DEFB119: variants seen among roughly 807,000 people sequenced by gnomAD.
DEFB119 encodes defensin beta 119, also known as beta-defensin 119.
A neutral mutation model predicts 2.5 loss-of-function variants in DEFB119; 3 were observed. The observed-to-expected ratio is 1.19, with a 90% CI of 0.54 to 3.07. The LOEUF (loss-of-function observed/expected upper bound fraction) is 3.07. Among genes scored for constraint, DEFB119 ranks in the 30% most tolerant of loss-of-function variants. DEFB119 has a pLI of 0.03. For synonymous variants in DEFB119, 29 were observed against 33.7 expected, an observed-to-expected ratio of 0.86 and a Z score of 0.48; for missense variants, 113 against 101.1, an observed-to-expected ratio of 1.12 and a Z score of -0.50.
intron 1 of DEFB119, among the ~76,000 whole-genome samples, chr20:31,384,849 A>T (rs1986633774): frequency 6.6e-6 from 1 of 152,338 alleles, no homozygotes; most frequent in African/African-American, 2.4e-5. Context: ...AACAGTAATG[A>T]TCATTATCAT....
At chr20:31,379,112 A>G (rs1013288497) in intron 1 of DEFB119, among the ~76,000 whole-genome samples, 5 of 151,482 alleles carry the variant, frequency 3.3e-5, no homozygotes, top group Non-Finnish European at 7.4e-5. Context: ...TAATTTTTGT[A>G]TTTTCAGTAG....
intron 1 of DEFB119, chr20:31,378,437 C>T (rs745824263): frequency 3.2e-5 from 51 of 1,612,624 alleles, no homozygotes; most frequent in Non-Finnish European, 4.1e-5. Flanking sequence ...AAATATGATC[C>T]AGCATCTCAT....
chr20:31,382,834 C>T (rs1359194555), intron 1 of DEFB119, among the ~76,000 whole-genome samples: 1 of 152,200 alleles, frequency 6.6e-6, no homozygotes. Context: ...TAAGGATTTC[C>T]ACCTAATATG....
At position 31,377,378 on chromosome 20, in the gene DEFB119, C is replaced by A; in HGVS notation, c.123G>T (p.Lys41Asn). Residue 41 changes from lysine to asparagine, a missense_variant, in exon 2 of 2, where the codon AAG (lysine) becomes AAT (asparagine). Physicochemically the swap from Lys to Asn is moderately conservative, Grantham distance 94. Coordinates refer to ENST00000376321, the MANE Select transcript of DEFB119 (RefSeq NM_153289.4). Reference protein sequence around the residue: ...NSGICRASCKKNEQPYLYCRN... With the variant: ...NSGICRASCKNNEQPYLYCRN... Reference sequence around the variant, plus strand: ...TGCAATAGAGGTAGGGCTGTTCGTTCTTTTTGCAAGAGGCCCTACAAATTC... The same window carrying A: ...TGCAATAGAGGTAGGGCTGTTCGTTATTTTTGCAAGAGGCCCTACAAATTC... The A allele has an allele frequency of 6.2e-7, 1 of 1,614,026 alleles. No homozygotes were observed.
intron 1 of DEFB119, among the ~76,000 whole-genome samples, chr20:31,384,113 C>A (rs191589853): frequency 6.6e-6 from 1 of 152,198 alleles, no homozygotes; most frequent in Non-Finnish European, 1.5e-5. Context: ...TAGATATTTT[C>A]AAAAGTAAAC....
intron 1 of DEFB119, chr20:31,378,415 C>T: frequency 6.2e-7 from 1 of 1,613,792 alleles, no homozygotes; most frequent in Non-Finnish European, 8.5e-7. Flanking sequence ...GACAAGCCAA[C>T]AAAGATCATT....
intron 1 of DEFB119, among the ~76,000 whole-genome samples, chr20:31,389,449 C>T (rs572778611): frequency 1.3e-5 from 2 of 152,062 alleles, no homozygotes; most frequent in Non-Finnish European, 2.9e-5. Flanking sequence ...TTTGGGAGAG[C>T]CTTTTTTGGA....
chr20:31,385,980 G>A (rs1986687368), intron 1 of DEFB119, among the ~76,000 whole-genome samples: 1 of 152,182 alleles, frequency 6.6e-6, no homozygotes, highest in Admixed American at 6.5e-5. Flanking sequence ...ACAGAGGTGA[G>A]CTGAGTGTTG....
At chr20:31,381,442 T>C (rs889793515) in intron 1 of DEFB119, among the ~76,000 whole-genome samples, 2 of 152,262 alleles carry the variant, frequency 1.3e-5, no homozygotes, top group South Asian at 2.1e-4. Flanking sequence ...TTTTCTTGCA[T>C]TAATGCAATG....
At chr20:31,389,025 C>T (rs1986820066) in intron 1 of DEFB119, 5 of 1,613,588 alleles carry the variant, frequency 3.1e-6, no homozygotes, top group Non-Finnish European at 4.2e-6. Flanking sequence ...AAAGTCATTT[C>T]TATCTATTAG....
chr20:31,386,289 C>T (rs899967467), intron 1 of DEFB119, among the ~76,000 whole-genome samples: 4 of 152,066 alleles, frequency 2.6e-5, no homozygotes, highest in African/African-American at 9.7e-5. Flanking sequence ...TGTTCTCACC[C>T]CGGGCCTCGG....
intron 1 of DEFB119, among the ~76,000 whole-genome samples, chr20:31,386,666 GGGAAGGGAGAATA>G (rs2081246223): frequency 6.6e-6 from 1 of 152,120 alleles, no homozygotes; most frequent in African/African-American, 2.4e-5. Flanking sequence ...AAGGGTAAGT[GGGAAGGGAGAATA>G]GGAAGAGGCT....
At chr20:31,388,302 C>T (rs543092249) in intron 1 of DEFB119, 80 of 985,542 alleles carry the variant, frequency 8.1e-5, no homozygotes, top group South Asian at 9.4e-5. Flanking sequence ...CAATAGGTGA[C>T]GACATTTGTT....
At chr20:31,381,509 A>G (rs1380946663) in intron 1 of DEFB119, among the ~76,000 whole-genome samples, 1 of 152,224 alleles carries the variant, frequency 6.6e-6, no homozygotes, top group Non-Finnish European at 1.5e-5. Context: ...GTGTGGATGG[A>G]TCTCAAGAGC....
Position 31,377,249 on chromosome 20 carries a change from A to G in DEFB119, c.252T>C (p.Pro84=), listed in dbSNP as rs768916240. 5 of 1,610,894 alleles carry G rather than the reference A, an allele frequency of 3.1e-6. No individual in the cohort carries two copies. The Admixed American group carries it at 6.7e-5, about 22-fold the overall frequency. The change falls in exon 2 of 2, where the codon CCT becomes CCC. Residue 84 remains proline, a synonymous_variant. Transcript: ENST00000376321. ...WSYEKQWPRL[P] is the part of the protein sequence containing the mutation. ...TGAGAATGGTAATCACCAGCACTCAAGGTAGTCTTGGCCACTGCTTCTCAT... is the reference window on the plus strand; with the variant it reads ...TGAGAATGGTAATCACCAGCACTCAGGGTAGTCTTGGCCACTGCTTCTCAT...
intron 1 of DEFB119, 133 bp downstream of exon 1, chr20:31,390,290 G>C (rs754706370): frequency 7.2e-6 from 6 of 838,220 alleles, no homozygotes; most frequent in African/African-American, 6.9e-5. Context: ...ATTAACTTGA[G>C]ATGATCCTGG....
intron 1 of DEFB119, among the ~76,000 whole-genome samples, chr20:31,378,998 C>T (rs1986405666): frequency 1.3e-5 from 2 of 149,828 alleles, no homozygotes; most frequent in East Asian, 2.0e-4. Context: ...AGTGCAGTGG[C>T]GCAATCTTGG....
At chr20:31,379,706 T>C (rs6058928) in intron 1 of DEFB119, among the ~76,000 whole-genome samples, 57,745 of 149,320 alleles carry the variant, frequency 0.39, 13,933 homozygotes, top group African/African-American at 0.68. Flanking sequence ...GTCTCTGTCA[T>C]CCAGGCTGGA....
intron 1 of DEFB119, among the ~76,000 whole-genome samples, chr20:31,388,600 A>T (rs7272826): frequency 0.11 from 16,670 of 152,204 alleles, 2,236 homozygotes; most frequent in African/African-American, 0.32. Context: ...CCTCTTGAGC[A>T]CTAGAAAGCA....
Sources: allele counts gnomAD v4.1 joint callset (sites outside exome capture counted in the v4.1 genomes callset), GRCh38; gene constraint gnomAD v4.1.1; transcripts MANE v1.5; gene names NCBI Gene and HGNC (gene_info 2026-07-23, HGNC 2026-07-21).